The following RAB27B variants were observed in gnomAD, a reference collection of about 807,000 sequenced individuals.
RAB27B encodes the protein RAB27B, member RAS oncogene family.
In RAB27B, 15 loss-of-function variants were observed where a neutral mutation model predicts 24.6. The ratio of observed to expected loss-of-function variants is 0.61; its 90% CI spans 0.41 to 0.94. The LOEUF is 0.94. RAB27B is among the 40% of genes least tolerant of loss of function. RAB27B has a pLI of 0.00. For missense variants in RAB27B, 261 were observed against 266.8 expected, an observed-to-expected ratio of 0.98 and a Z score of 0.15; for synonymous variants, 105 against 92.5, an observed-to-expected ratio of 1.14 and a Z score of -0.78.
chr18:54,789,233 T>C (rs937543361), intron 2 of RAB27B, among the ~76,000 whole-genome samples: 2 of 152,200 alleles, frequency 1.3e-5, no homozygotes, highest in Non-Finnish European at 2.9e-5. Context: ...GAAAAGGACA[T>C]GTCAACATTG....
At chr18:54,883,394 AC>A (rs1448392551) in intron 3 of RAB27B, among the ~76,000 whole-genome samples, 1 of 152,162 alleles carries the variant, frequency 6.6e-6, no homozygotes, top group African/African-American at 2.4e-5. Context: ...AAAATAGGAG[AC>A]CAAAAATTAG....
At chr18:54,871,287 C>G (rs1912454999) in intron 1 of RAB27B, among the ~76,000 whole-genome samples, 1 of 152,178 alleles carries the variant, frequency 6.6e-6, no homozygotes, top group East Asian at 1.9e-4. Context: ...AGTACTTTAG[C>G]CACCCATAGT....
At chr18:54,738,268 T>G (rs1444899897) in intron 2 of RAB27B, among the ~76,000 whole-genome samples, 1 of 152,156 alleles carries the variant, frequency 6.6e-6, no homozygotes, top group Non-Finnish European at 1.5e-5. Context: ...GAATATTTGT[T>G]GATCACCCAT....
chr18:54,748,682 A>G (rs1910333578), intron 2 of RAB27B, among the ~76,000 whole-genome samples: 1 of 152,200 alleles, frequency 6.6e-6, no homozygotes, highest in Admixed American at 6.5e-5. Context: ...TAGACATTGC[A>G]TTTTCACAAA....
intron 2 of RAB27B, among the ~76,000 whole-genome samples, chr18:54,811,281 T>C: frequency 6.6e-6 from 1 of 152,138 alleles, no homozygotes; most frequent in East Asian, 1.9e-4. Context: ...TGACATAGCC[T>C]CAGGAGGTTC....
intron 2 of RAB27B, among the ~76,000 whole-genome samples, chr18:54,756,436 T>C (rs1043452063): frequency 6.6e-6 from 1 of 152,182 alleles, no homozygotes; most frequent in African/African-American, 2.4e-5. Context: ...TTCCTGCCCC[T>C]AAAATACTGC....
At chr18:54,832,734 G>A (rs1257905566) in intron 1 of RAB27B, among the ~76,000 whole-genome samples, 2 of 152,108 alleles carry the variant, frequency 1.3e-5, no homozygotes, top group Admixed American at 1.3e-4. Flanking sequence ...ACCTAAGCCA[G>A]GATGTTTTTT....
intron 2 of RAB27B, among the ~76,000 whole-genome samples, chr18:54,767,744 CA>C (rs1406371875): frequency 6.6e-6 from 1 of 152,156 alleles, no homozygotes; most frequent in Non-Finnish European, 1.5e-5. Flanking sequence ...ACAATTCACA[CA>C]AAATAAGCAT....
At chr18:54,785,256 C>G (rs1909045856) in intron 2 of RAB27B, among the ~76,000 whole-genome samples, 1 of 33,252 alleles carries the variant, frequency 3.0e-5, no homozygotes, top group African/African-American at 7.1e-5. Flanking sequence ...TGTGCATCAG[C>G]ATGTCTGGCT....
At chr18:54,735,577 A>C (rs1568046486) in intron 2 of RAB27B, among the ~76,000 whole-genome samples, 1 of 152,134 alleles carries the variant, frequency 6.6e-6, no homozygotes, top group Non-Finnish European at 1.5e-5. Context: ...GCTGGAGTAC[A>C]TCTCAGCTCA....
intron 2 of RAB27B, among the ~76,000 whole-genome samples, chr18:54,770,971 T>G (rs1270295977): frequency 6.6e-6 from 1 of 152,196 alleles, no homozygotes; most frequent in African/African-American, 2.4e-5. Context: ...TCATTTAGGT[T>G]CTGTCCCTTT....
chr18:54,827,137 C>G (rs1910500419), upstream of RAB27B, among the ~76,000 whole-genome samples: 1 of 152,160 alleles, frequency 6.6e-6, no homozygotes, highest in Non-Finnish European at 1.5e-5. Flanking sequence ...AATATAGATT[C>G]CAAGCATACA....
Position 54,770,123 on chromosome 18 carries a change from G to A in RAB27B, c.-20+51982G>A, listed in dbSNP as rs569569480. ...GCCTCCCAAAGTTCTGGAATTACAC[G>A]TGTGAGCCACCACACCCAGCCATCA... On this transcript the variant is annotated intron_variant, in intron 2 of 4. Transcript: ENST00000586570. Among the ~76,000 whole-genome samples the A allele has an allele frequency of 3.9e-5, 6 of 152,242 alleles. No homozygotes were observed. In the South Asian group the frequency reaches 1.2e-3, roughly 32 times the overall value.
chr18:54,876,213 G>A (rs1912693701), intron 1 of RAB27B, among the ~76,000 whole-genome samples: 1 of 152,144 alleles, frequency 6.6e-6, no homozygotes, highest in African/African-American at 2.4e-5. Context: ...CATGAGAACA[G>A]CATGGGGGAA....
intron 1 of RAB27B, among the ~76,000 whole-genome samples, chr18:54,830,945 G>A (rs1394253203): frequency 1.3e-5 from 2 of 152,272 alleles, no homozygotes; most frequent in Admixed American, 1.3e-4. Context: ...TAAGTTGCTT[G>A]TTCATTTGTT....
chr18:54,833,130 A>C (rs1910753166), intron 1 of RAB27B, among the ~76,000 whole-genome samples: 1 of 152,212 alleles, frequency 6.6e-6, no homozygotes, highest in Non-Finnish European at 1.5e-5. Flanking sequence ...AGCTTGGGAA[A>C]AAATGCTCAG....
chr18:54,787,763 C>T (rs1012346056), intron 2 of RAB27B, among the ~76,000 whole-genome samples: 4 of 151,500 alleles, frequency 2.6e-5, no homozygotes, highest in African/African-American at 9.7e-5. Flanking sequence ...ACTTGCCAAT[C>T]ACTAGTGAGA....
intron 4 of RAB27B, chr18:54,885,773 T>A (rs911018233): frequency 1.9e-5 from 3 of 153,884 alleles, no homozygotes; most frequent in African/African-American, 7.2e-5. Context: ...AGAAAAGAGG[T>A]TTAATTGACT....
chr18:54,782,263 G>A (rs1467394357), intron 2 of RAB27B, among the ~76,000 whole-genome samples: 1 of 152,248 alleles, frequency 6.6e-6, no homozygotes, highest in Non-Finnish European at 1.5e-5. Context: ...TATCATTTTC[G>A]TGTCCTGTTT....
Sources: gnomAD v4.1 joint callset for allele counts (sites outside exome capture counted in the v4.1 genomes callset) on GRCh38, gnomAD v4.1.1 for gene constraint, MANE v1.5 for transcripts, NCBI Gene and HGNC (gene_info 2026-07-23, HGNC 2026-07-21) for gene names.